The following NELL1 variants were observed in gnomAD, a reference collection of about 807,000 sequenced individuals.
NELL1 encodes protein kinase C-binding protein NELL1.
Under a neutral mutation model 107.4 loss-of-function variants are expected in NELL1, and 76 were observed. The ratio of observed to expected loss-of-function variants is 0.71; its 90% CI spans 0.59 to 0.86. The LOEUF (loss-of-function observed/expected upper bound fraction) is 0.86. Ranked by LOEUF, NELL1 falls within the 40% of genes least tolerant of loss-of-function variation. The probability of loss-of-function intolerance (pLI) is 0.00; values close to 1 mark genes in which losing one functional copy is unlikely to be tolerated. For synonymous variants in NELL1, 353 were observed against 341.2 expected, an observed-to-expected ratio of 1.03 and a Z score of -0.38; for missense variants, 1,024 against 1,005.5, an observed-to-expected ratio of 1.02 and a Z score of -0.25.
chr11:20,981,636 G>A (rs763038759), intron 12 of NELL1, among the ~76,000 whole-genome samples: 1 of 152,172 alleles, frequency 6.6e-6, no homozygotes, highest in African/African-American at 2.4e-5. Context: ...GACAAGTGCA[G>A]TTAAGCCTAA....
At chr11:21,173,115 A>G (rs1856641174) in intron 13 of NELL1, among the ~76,000 whole-genome samples, 2 of 151,792 alleles carry the variant, frequency 1.3e-5, no homozygotes, top group South Asian at 2.1e-4. Context: ...TTCAATTTCA[A>G]CTGGACTTGC....
At chr11:21,164,911 T>C (rs778804564) in intron 13 of NELL1, among the ~76,000 whole-genome samples, 1 of 152,210 alleles carries the variant, frequency 6.6e-6, no homozygotes, top group Non-Finnish European at 1.5e-5. Context: ...TCTTCACCAG[T>C]ATCTTCTTTA....
chr11:20,916,599 A>G (rs1850262481), intron 5 of NELL1, among the ~76,000 whole-genome samples: 1 of 151,892 alleles, frequency 6.6e-6, no homozygotes, highest in Non-Finnish European at 1.5e-5. Context: ...TTTTCTGTAC[A>G]TATACTTCCA....
chr11:21,447,553 A>C (rs770793377), intron 15 of NELL1, among the ~76,000 whole-genome samples: 1 of 152,154 alleles, frequency 6.6e-6, no homozygotes, highest in Non-Finnish European at 1.5e-5. Flanking sequence ...CCAATGCCCT[A>C]TCCTACTGAG....
intron 12 of NELL1, among the ~76,000 whole-genome samples, chr11:21,057,664 A>G (rs1853644035): frequency 6.6e-6 from 1 of 151,972 alleles, no homozygotes; most frequent in Non-Finnish European, 1.5e-5. Flanking sequence ...TTGGTATATT[A>G]TTATGTATAC....
At chr11:21,327,597 G>A (rs72953414) in intron 14 of NELL1, among the ~76,000 whole-genome samples, 19,245 of 152,128 alleles carry the variant, frequency 0.13, 1,416 homozygotes, top group East Asian at 0.25. Context: ...GTGTAGTGGG[G>A]CACCACTGGA....
intron 14 of NELL1, among the ~76,000 whole-genome samples, chr11:21,278,294 G>A (rs995789733): frequency 6.6e-6 from 1 of 151,982 alleles, no homozygotes; most frequent in Non-Finnish European, 1.5e-5. Context: ...CATAGCTAAT[G>A]TATTAAGAAA....
chr11:21,210,140 T>C (rs1857468888), intron 13 of NELL1, among the ~76,000 whole-genome samples: 1 of 152,186 alleles, frequency 6.6e-6, no homozygotes, highest in Non-Finnish European at 1.5e-5. Flanking sequence ...GATTAGTTCA[T>C]GGACATTTAG....
intron 19 of NELL1, among the ~76,000 whole-genome samples, chr11:21,573,846 T>C (rs1857160339): frequency 6.6e-6 from 1 of 151,814 alleles, no homozygotes. Context: ...GTTTCTAAGT[T>C]CTTTTATTAA....
chr11:21,268,681 C>T (rs1344962514), intron 14 of NELL1, among the ~76,000 whole-genome samples: 1 of 152,124 alleles, frequency 6.6e-6, no homozygotes, highest in Non-Finnish European at 1.5e-5. Context: ...AACAACTTCC[C>T]ACCACATTAC....
intron 9 of NELL1, among the ~76,000 whole-genome samples, chr11:20,929,388 C>T (rs1444472123): frequency 6.6e-6 from 1 of 151,846 alleles, no homozygotes; most frequent in Non-Finnish European, 1.5e-5. Flanking sequence ...TGGGTTGCAG[C>T]AGCCCAAATA....
At chr11:20,990,591 G>A (rs999332480) in intron 12 of NELL1, among the ~76,000 whole-genome samples, 11 of 152,150 alleles carry the variant, frequency 7.2e-5, no homozygotes, top group African/African-American at 2.7e-4. Context: ...ATACCCAGCT[G>A]AGGAATGGCA....
intron 2 of NELL1, among the ~76,000 whole-genome samples, chr11:20,777,882 G>A (rs564637828): frequency 1.3e-5 from 2 of 152,166 alleles, no homozygotes; most frequent in East Asian, 1.9e-4. Context: ...CTGATTCTTC[G>A]CTGTGAACTG....
At chr11:20,882,632 C>A (rs1425505942) in intron 4 of NELL1, among the ~76,000 whole-genome samples, 1 of 152,144 alleles carries the variant, frequency 6.6e-6, no homozygotes, top group Non-Finnish European at 1.5e-5. Flanking sequence ...TACTTCAGTG[C>A]CTATTTCCTA....
intron 2 of NELL1, among the ~76,000 whole-genome samples, chr11:20,702,260 T>C (rs1028316550): frequency 2.0e-5 from 3 of 152,198 alleles, no homozygotes; most frequent in Non-Finnish European, 4.4e-5. Flanking sequence ...TATTTTATTC[T>C]CTTTGAAGCA....
At chr11:20,829,424 C>G (rs916946647) in intron 3 of NELL1, among the ~76,000 whole-genome samples, 6 of 151,992 alleles carry the variant, frequency 3.9e-5, no homozygotes, top group African/African-American at 1.5e-4. Flanking sequence ...GAAGAGGTTT[C>G]ACTATCTTGG....
chr11:21,284,086 T>C (rs1231123102), intron 14 of NELL1: 1 of 374,146 alleles, frequency 2.7e-6, no homozygotes, highest in Non-Finnish European at 5.3e-6. Context: ...AAGAGGAAAT[T>C]CATAATGCCA....
chr11:20,673,536 G>C (rs1853973016), intron 1 of NELL1, among the ~76,000 whole-genome samples: 1 of 152,220 alleles, frequency 6.6e-6, no homozygotes, highest in African/African-American at 2.4e-5. Context: ...GGTGAACTGA[G>C]TGGGCTGTGG....
At chr11:21,161,000 TACACACACACACACACACAC>T (rs72029062) in intron 13 of NELL1, among the ~76,000 whole-genome samples, 3 of 143,138 alleles carry the variant, frequency 2.1e-5, no homozygotes, top group South Asian at 2.4e-4. Context: ...CTAGCCTTTA[TACACACACACACACACACAC>T]ACACACACAC....
Sources: allele counts gnomAD v4.1 joint callset (sites outside exome capture counted in the v4.1 genomes callset), GRCh38; gene constraint gnomAD v4.1.1; transcripts MANE v1.5; gene names NCBI Gene and HGNC (gene_info 2026-07-23, HGNC 2026-07-21).